The following RNGTT variants were observed in gnomAD, a reference collection of about 807,000 sequenced individuals.
The protein encoded by RNGTT is mRNA-capping enzyme.
In RNGTT, 33 loss-of-function variants were observed where a neutral mutation model predicts 79.3. That is an observed-to-expected ratio of 0.42 (90% CI 0.32 to 0.56). RNGTT has a LOEUF of 0.56. Ranked by LOEUF, RNGTT falls within the 20% of genes least tolerant of loss-of-function variation. The probability of loss-of-function intolerance (pLI) is 0.17; values close to 1 mark genes in which losing one functional copy is unlikely to be tolerated. For synonymous variants in RNGTT, 222 were observed against 235.9 expected (o/e 0.94, Z 0.54); for missense variants, 497 against 739.1 (o/e 0.67, Z 3.80).
intron 4 of RNGTT, among the ~76,000 whole-genome samples, chr6:88,918,182 G>A (rs979296735): frequency 2.0e-5 from 3 of 152,184 alleles, no homozygotes; most frequent in Admixed American, 6.5e-5. Flanking sequence ...AAATAGCCAG[G>A]CATGGTGGCA....
At chr6:88,689,057 G>GT (rs1423118435) in intron 13 of RNGTT, among the ~76,000 whole-genome samples, 1 of 152,148 alleles carries the variant, frequency 6.6e-6, no homozygotes, top group African/African-American at 2.4e-5. Flanking sequence ...TAGTAGTTAG[G>GT]TTTGGGGGGG....
chr6:88,681,782 A>C (rs1346001965), intron 13 of RNGTT, among the ~76,000 whole-genome samples: 1 of 152,152 alleles, frequency 6.6e-6, no homozygotes, highest in Non-Finnish European at 1.5e-5. Context: ...TTTGCCCTTA[A>C]GTTAGGCGAA....
intron 13 of RNGTT, among the ~76,000 whole-genome samples, chr6:88,742,863 C>T (rs1215398690): frequency 3.3e-5 from 5 of 152,088 alleles, no homozygotes; most frequent in African/African-American, 1.2e-4. Flanking sequence ...AATGTTACCC[C>T]TATTATTTAT....
At chr6:88,801,796 T>C (rs926798353) in intron 11 of RNGTT, among the ~76,000 whole-genome samples, 164 bp from the exon 12 acceptor site, 5 of 148,498 alleles carry the variant, frequency 3.4e-5, no homozygotes, top group African/African-American at 5.0e-5. Flanking sequence ...AGTTAATACA[T>C]CGTAAGATTT....
At chr6:88,672,602 T>C (rs2610721) in intron 14 of RNGTT, among the ~76,000 whole-genome samples, 6 of 151,948 alleles carry the variant, frequency 3.9e-5, no homozygotes, top group Non-Finnish European at 7.4e-5. Flanking sequence ...ATTGGGTACA[T>C]TGTACACTGC....
intron 6 of RNGTT, among the ~76,000 whole-genome samples, chr6:88,902,086 G>C (rs1022285124): frequency 1.3e-5 from 2 of 152,132 alleles, no homozygotes; most frequent in East Asian, 1.9e-4. Context: ...TACTCAGGAG[G>C]CTGCGATGAG....
At chr6:88,745,073 C>G (rs1777619328) in intron 13 of RNGTT, among the ~76,000 whole-genome samples, 1 of 152,118 alleles carries the variant, frequency 6.6e-6, no homozygotes, top group South Asian at 2.1e-4. Flanking sequence ...CTAATAGAAG[C>G]TACAACTAGT....
At chr6:88,713,986 CATTT>C (rs2127808811) in intron 13 of RNGTT, among the ~76,000 whole-genome samples, 1 of 152,230 alleles carries the variant, frequency 6.6e-6, no homozygotes, top group African/African-American at 2.4e-5. Flanking sequence ...TTAAAGAAAA[CATTT>C]AGAGTTCCAA....
chr6:88,813,719 T>C (rs1406011240), intron 11 of RNGTT, among the ~76,000 whole-genome samples: 1 of 152,200 alleles, frequency 6.6e-6, no homozygotes, highest in Non-Finnish European at 1.5e-5. Context: ...GCTGCTATTC[T>C]AAACTAGAGT....
intron 12 of RNGTT, among the ~76,000 whole-genome samples, chr6:88,795,773 A>C (rs1313040889): frequency 2.6e-5 from 4 of 152,220 alleles, no homozygotes; most frequent in African/African-American, 9.6e-5. Flanking sequence ...AGGGAAGAAC[A>C]TAAAAATAAA....
At chr6:88,647,235 A>G (rs1161834524) in intron 14 of RNGTT, among the ~76,000 whole-genome samples, 1 of 152,134 alleles carries the variant, frequency 6.6e-6, no homozygotes, top group Non-Finnish European at 1.5e-5. Flanking sequence ...ATGCTACAGA[A>G]GCTCGACTTT....
chr6:88,881,798 A>T (rs1782701020), intron 8 of RNGTT, among the ~76,000 whole-genome samples: 2 of 152,210 alleles, frequency 1.3e-5, no homozygotes, highest in African/African-American at 4.8e-5. Flanking sequence ...TTAAAGGAAA[A>T]GTGTCATCAC....
At chr6:88,852,090 T>A (rs866371877) in intron 9 of RNGTT, among the ~76,000 whole-genome samples, 1 of 152,136 alleles carries the variant, frequency 6.6e-6, no homozygotes, top group South Asian at 2.1e-4. Context: ...ACTAACTAGA[T>A]GTGATTTATT....
chr6:88,787,667 A>C (rs1582461000), intron 12 of RNGTT, among the ~76,000 whole-genome samples: 2 of 94,172 alleles, frequency 2.1e-5, no homozygotes, highest in South Asian at 3.4e-4. Context: ...TTCAAAAACA[A>C]AAAAAAAAAA....
intron 8 of RNGTT, among the ~76,000 whole-genome samples, chr6:88,879,543 C>T (rs906933331): frequency 6.6e-6 from 1 of 152,154 alleles, no homozygotes; most frequent in African/African-American, 2.4e-5. Flanking sequence ...TATGACCACA[C>T]ATTGAGCACC....
Position 88,904,928 on chromosome 6 carries a change from G to C in RNGTT, c.471C>G (p.Ala157=). 6.2e-7 allele frequency: 1 copy of C among 1,613,818 alleles called. No homozygotes were observed. The highest frequency in any genetic ancestry group is 1.3e-5 in the African/African-American group (1 of 74,932). ...WSIEAAVATF[A]QARPPGIYKG... ...TGTAGATTCCTGGTGGTCTGGCTTG[G>C]GCAAAAGTAGCAACTGCTGCTTCGA... The change falls in exon 6 of 16, where the codon GCC becomes GCG. Residue 157 remains alanine (A), a synonymous_variant. Coordinates refer to ENST00000369485, the MANE Select transcript of RNGTT (RefSeq NM_003800.5).
intron 13 of RNGTT, among the ~76,000 whole-genome samples, chr6:88,710,245 T>G (rs1466239366): frequency 6.6e-6 from 1 of 152,194 alleles, no homozygotes; most frequent in African/African-American, 2.4e-5. Flanking sequence ...ATTCAACCAG[T>G]GTGCACACCA....
intron 13 of RNGTT, among the ~76,000 whole-genome samples, chr6:88,706,683 T>C (rs1776139744): frequency 6.6e-6 from 1 of 152,068 alleles, no homozygotes; most frequent in South Asian, 2.1e-4. Flanking sequence ...TAAGCAAATA[T>C]CAAGGAAGCT....
intron 8 of RNGTT, among the ~76,000 whole-genome samples, chr6:88,858,208 A>G (rs531978937): frequency 1.0e-3 from 156 of 152,248 alleles, no homozygotes; most frequent in Non-Finnish European, 2.0e-3. Context: ...CAAACTTATT[A>G]TGGCTTTTCT....
Sources: gnomAD v4.1 joint callset for allele counts (sites outside exome capture counted in the v4.1 genomes callset) on GRCh38, gnomAD v4.1.1 for gene constraint, MANE v1.5 for transcripts, NCBI Gene and HGNC (gene_info 2026-07-23, HGNC 2026-07-21) for gene names.